The following NELL1 variants were observed in gnomAD, a reference collection of about 807,000 sequenced individuals.
The protein encoded by NELL1 is protein kinase C-binding protein NELL1.
In NELL1, 76 loss-of-function variants were observed where a neutral mutation model predicts 107.4. The ratio of observed to expected loss-of-function variants is 0.71; its 90% CI spans 0.59 to 0.86. NELL1 has a LOEUF of 0.86. Ranked by LOEUF, NELL1 falls within the 40% of genes least tolerant of loss-of-function variation. NELL1 has a pLI of 0.00. For missense variants in NELL1, 1,024 were observed against 1,005.5 expected (o/e 1.02, Z -0.25); for synonymous variants, 353 against 341.2 (o/e 1.03, Z -0.38).
At chr11:20,790,534 C>T (rs2133990254) in intron 3 of NELL1, among the ~76,000 whole-genome samples, 1 of 152,290 alleles carries the variant, frequency 6.6e-6, no homozygotes, top group African/African-American at 2.4e-5. Context: ...ATGCGTGGGC[C>T]CACAGCTGCA....
chr11:20,817,403 A>C (rs1366513593), intron 3 of NELL1, among the ~76,000 whole-genome samples: 2 of 152,100 alleles, frequency 1.3e-5, no homozygotes, highest in African/African-American at 4.8e-5. Context: ...CATTTCCTCT[A>C]GATTTTCGAG....
intron 13 of NELL1, among the ~76,000 whole-genome samples, chr11:21,130,273 C>G (rs1225917661): frequency 2.6e-5 from 4 of 152,250 alleles, no homozygotes; most frequent in African/African-American, 9.6e-5. Flanking sequence ...GTTTTACAGC[C>G]TCAGAGACTC....
intron 15 of NELL1, among the ~76,000 whole-genome samples, chr11:21,530,372 G>T (rs1855962841): frequency 2.0e-5 from 3 of 152,090 alleles, no homozygotes; most frequent in Admixed American, 2.0e-4. Flanking sequence ...GATCCATCCA[G>T]CTCAAGAGAT....
At chr11:21,479,138 C>CA (rs1265922773) in intron 15 of NELL1, among the ~76,000 whole-genome samples, 2 of 151,936 alleles carry the variant, frequency 1.3e-5, no homozygotes, top group Non-Finnish European at 2.9e-5. Flanking sequence ...GGAAGCTCGT[C>CA]AAAAAGTAAA....
intron 1 of NELL1, chr11:20,674,561 C>T: frequency 5.2e-6 from 8 of 1,528,760 alleles, no homozygotes; most frequent in Non-Finnish European, 7.0e-6. Context: ...CTTCAGCAAT[C>T]CCTTCAGGGA....
intron 3 of NELL1, among the ~76,000 whole-genome samples, chr11:20,837,898 T>C (rs1848561832): frequency 6.6e-6 from 1 of 152,110 alleles, no homozygotes. Flanking sequence ...AATGAATCTT[T>C]TCATTTCAAT....
chr11:21,491,765 C>T (rs866682685), intron 15 of NELL1, among the ~76,000 whole-genome samples: 5,307 of 151,862 alleles, frequency 0.035, 185 homozygotes, highest in African/African-American at 0.087. Context: ...GGGGATGGCA[C>T]TGAATCTATA....
At chr11:21,390,643 A>C (rs1851853642) in intron 15 of NELL1, among the ~76,000 whole-genome samples, 1 of 151,774 alleles carries the variant, frequency 6.6e-6, no homozygotes, top group African/African-American at 2.4e-5. Context: ...TAGGTGAGCT[A>C]TGAAGTTGGC....
intron 14 of NELL1, among the ~76,000 whole-genome samples, chr11:21,354,772 A>G (rs370271257): frequency 8.5e-5 from 13 of 152,182 alleles, no homozygotes; most frequent in East Asian, 3.9e-4. Context: ...ATTTCTTTCA[A>G]GATTTAACAT....
At chr11:21,215,293 T>A (rs1207035137) in intron 13 of NELL1, among the ~76,000 whole-genome samples, 3 of 152,190 alleles carry the variant, frequency 2.0e-5, no homozygotes, top group Non-Finnish European at 4.4e-5. Flanking sequence ...ATTATAAGTT[T>A]CCTGAGGCCT....
chr11:20,977,866 C>A (rs1008301386), intron 12 of NELL1, among the ~76,000 whole-genome samples: 3 of 152,102 alleles, frequency 2.0e-5, no homozygotes, highest in Admixed American at 6.6e-5. Flanking sequence ...TTCTAAGTAC[C>A]TTACATGGTT....
At position 20,952,056 on chromosome 11, in the gene NELL1, GA is replaced by G. The variant is rs111641124; in HGVS notation, c.1171+4633del. On this transcript the variant is annotated intron_variant, in intron 11 of 19. Transcript: ENST00000357134. ...TTTCTGGTGCTCTCAGTTAAAGGAT[GA>G]AAAAAAAAAAATGTCAACAATATTG... 7.1e-3 allele frequency among the ~76,000 whole-genome samples: 1,049 copies of G among 148,206 alleles called. 11 individuals are homozygous for G. Among genetic ancestry groups the G allele is most frequent in the African/African-American group, 0.024 (958 of 40,366 alleles).
rs77140233 is a variant in NELL1, at chr11:20,842,412, A to G, written c.336-5171A>G. ...GAGCTTCAGCATGAACAACTGTAGC[A>G]TTTCTTTCCAGAGTGATGAGATTAG... On this transcript the variant is annotated intron_variant, in intron 3 of 19. Coordinates refer to ENST00000357134, the MANE Select transcript of NELL1 (RefSeq NM_006157.5). 9.1e-3 allele frequency among the ~76,000 whole-genome samples: 1,380 copies of G among 151,908 alleles called. 13 individuals carry two copies. Among genetic ancestry groups the G allele is most frequent in the African/African-American group, 0.032 (1,311 of 41,442 alleles).
intron 5 of NELL1, among the ~76,000 whole-genome samples, chr11:20,909,418 A>G (rs781400494): frequency 1.4e-4 from 22 of 152,182 alleles, no homozygotes; most frequent in Non-Finnish European, 2.9e-4. Context: ...ATTTCTAACA[A>G]GCTGCCAGGT....
Position 21,441,330 on chromosome 11 carries a change from C to CGT in NELL1, c.1645+70433_1645+70434dup, listed in dbSNP as rs201892977. ...TATATTCTTTACTCTGAGGCTGTGA[C>CGT]GTGTGTGTGTGTGTGTGTGTGTGTG... On this transcript the variant is annotated intron_variant, in intron 15 of 19. Coordinates refer to ENST00000357134, the MANE Select transcript of NELL1 (RefSeq NM_006157.5). Among the ~76,000 whole-genome samples the CGT allele has an allele frequency of 5.6e-3, 785 of 140,164 alleles. 4 individuals are homozygous for CGT. Among genetic ancestry groups the CGT allele is most frequent in the Admixed American group, 0.014 (188 of 13,924 alleles). 92.0% of individuals were successfully genotyped at this position (140,164 alleles called of 152,430 possible).
At chr11:21,235,206 C>T (rs765753544) in intron 14 of NELL1, among the ~76,000 whole-genome samples, 2 of 152,124 alleles carry the variant, frequency 1.3e-5, no homozygotes, top group Non-Finnish European at 2.9e-5. Flanking sequence ...GCAAGACTGT[C>T]TGATATCAGG....
At chr11:20,883,680 C>T (rs1205221237) in intron 4 of NELL1, among the ~76,000 whole-genome samples, 3 of 152,168 alleles carry the variant, frequency 2.0e-5, no homozygotes, top group African/African-American at 7.2e-5. Context: ...CTCTATAGGG[C>T]ATAAATAATT....
intron 14 of NELL1, among the ~76,000 whole-genome samples, chr11:21,267,617 G>A (rs545130965): frequency 6.6e-6 from 1 of 151,812 alleles, no homozygotes; most frequent in South Asian, 2.1e-4. Context: ...TATGTTCCTG[G>A]GAGTGTGTCT....
intron 12 of NELL1, among the ~76,000 whole-genome samples, chr11:20,989,781 A>G (rs988250250): frequency 6.6e-6 from 1 of 152,130 alleles, no homozygotes; most frequent in Non-Finnish European, 1.5e-5. Context: ...ACACGAGGTC[A>G]GGAGATGGAG....
Sources: gnomAD v4.1 joint callset for allele counts (sites outside exome capture counted in the v4.1 genomes callset) on GRCh38, gnomAD v4.1.1 for gene constraint, MANE v1.5 for transcripts, NCBI Gene and HGNC (gene_info 2026-07-23, HGNC 2026-07-21) for gene names.